The following PELI2 variants were observed in gnomAD, a reference collection of about 807,000 sequenced individuals.
PELI2 encodes pellino E3 ubiquitin protein ligase family member 2.
A neutral mutation model predicts 42.3 loss-of-function variants in PELI2; 23 were observed. That is an observed-to-expected ratio of 0.54 (90% confidence interval 0.39 to 0.77). PELI2 has a LOEUF of 0.77. Among genes scored for constraint, PELI2 ranks in the 30% least tolerant of loss-of-function variants. The pLI is 0.00. For missense variants in PELI2, 463 were observed against 553.2 expected (o/e 0.84, Z 1.64); for synonymous variants, 245 against 212.2 (o/e 1.15, Z -1.34).
At chr14:56,244,484 C>T (rs1455940883) in intron 2 of PELI2, among the ~76,000 whole-genome samples, 2 of 152,164 alleles carry the variant, frequency 1.3e-5, no homozygotes, top group African/African-American at 4.8e-5. Context: ...CCCTTCGCTT[C>T]AGGAGAGATT....
At chr14:56,216,328 C>T (rs1439092702) in intron 2 of PELI2, among the ~76,000 whole-genome samples, 3 of 152,334 alleles carry the variant, frequency 2.0e-5, no homozygotes, top group Non-Finnish European at 4.4e-5. Flanking sequence ...CTAAGCCAGT[C>T]GTGAAGTTAC....
intron 2 of PELI2, among the ~76,000 whole-genome samples, chr14:56,211,887 C>T (rs925304142): frequency 2.0e-5 from 3 of 151,900 alleles, no homozygotes; most frequent in Admixed American, 2.0e-4. Context: ...AACTCAAGAT[C>T]CATACAGACG....
intron 2 of PELI2, among the ~76,000 whole-genome samples, chr14:56,244,520 C>T (rs909729119): frequency 6.6e-6 from 1 of 152,124 alleles, no homozygotes; most frequent in African/African-American, 2.4e-5. Context: ...TTGGAAGGCA[C>T]TGATAATGAA....
At chr14:56,170,669 A>G (rs1459674226) in intron 1 of PELI2, among the ~76,000 whole-genome samples, 1 of 152,214 alleles carries the variant, frequency 6.6e-6, no homozygotes, top group African/African-American at 2.4e-5. Context: ...GTAAGTGTAC[A>G]GCAAATGTTA....
rs1555348665 is a variant in PELI2 at position 56,219,998 on chromosome 14, A to AT, written c.207+41535dup. Among the ~76,000 whole-genome samples, 2 of 152,216 alleles carry AT rather than the reference A, an allele frequency of 1.3e-5. No individual in the cohort carries two copies. Among genetic ancestry groups the AT allele is most frequent in the Non-Finnish European group, 1.5e-5 (1 of 68,044 alleles). On this transcript the variant is annotated intron_variant, in intron 2 of 5. Coordinates refer to ENST00000267460, the MANE Select transcript of PELI2 (RefSeq NM_021255.3). This position sits in a 1 kb window ranked among gnomAD's most constrained non-coding sequence, Gnocchi z 4.1. ...TTTATTAATGCTTGCCCTGGGAATCATATCATAAACAGTTTAGGTAAACAA... is the reference window on the plus strand; with the variant it reads ...TTTATTAATGCTTGCCCTGGGAATCATTATCATAAACAGTTTAGGTAAACAA...
chr14:56,237,517 C>T (rs933969528), intron 2 of PELI2, among the ~76,000 whole-genome samples: 17 of 151,994 alleles, frequency 1.1e-4, no homozygotes, highest in African/African-American at 3.9e-4. Context: ...TTTGAAGCAA[C>T]ACAGATGAAT....
intron 2 of PELI2, among the ~76,000 whole-genome samples, chr14:56,265,399 G>A (rs555361114): frequency 2.6e-5 from 4 of 152,110 alleles, no homozygotes; most frequent in East Asian, 1.9e-4. Context: ...TTAAACAGAC[G>A]GTGCTGTTTC....
chr14:56,268,830 A>T (rs1888997946), intron 2 of PELI2, among the ~76,000 whole-genome samples: 1 of 152,004 alleles, frequency 6.6e-6, no homozygotes, highest in African/African-American at 2.4e-5. Context: ...ATTGCCTCAC[A>T]CTGTGGTATG....
intron 2 of PELI2, among the ~76,000 whole-genome samples, chr14:56,214,541 T>C (rs17091123): frequency 0.32 from 49,216 of 152,060 alleles, 9,824 homozygotes; most frequent in African/African-American, 0.57. Flanking sequence ...ATCAAGTGGT[T>C]TCTTCTTGGT....
intron 1 of PELI2, chr14:56,119,881 T>C (rs1181050302): frequency 4.1e-6 from 4 of 980,348 alleles, no homozygotes; most frequent in Non-Finnish European, 4.8e-6. Context: ...AGCACACATA[T>C]GAGGAGTCAT....
intron 1 of PELI2, among the ~76,000 whole-genome samples, chr14:56,162,660 A>G (rs1884808281): frequency 6.6e-6 from 1 of 152,084 alleles, no homozygotes; most frequent in Non-Finnish European, 1.5e-5. Flanking sequence ...ATGGTGCTCA[A>G]TTTTTAGTTT....
chr14:56,122,215 A>G (rs1370237030), intron 1 of PELI2, among the ~76,000 whole-genome samples: 9 of 152,238 alleles, frequency 5.9e-5, no homozygotes, highest in African/African-American at 2.2e-4. Flanking sequence ...TACCTATGTA[A>G]CAAACCTGCA....
At chr14:56,130,681 C>T (rs989933588) in intron 1 of PELI2, among the ~76,000 whole-genome samples, 2 of 151,842 alleles carry the variant, frequency 1.3e-5, no homozygotes, top group Admixed American at 1.3e-4. Flanking sequence ...AAAAATGAAT[C>T]CTTATATCTT....
chr14:56,257,826 GA>G (rs1452754284), intron 2 of PELI2, among the ~76,000 whole-genome samples: 3 of 152,190 alleles, frequency 2.0e-5, no homozygotes, highest in Non-Finnish European at 2.9e-5. Flanking sequence ...GATCTGAGTT[GA>G]AGAGACAAAG....
intron 2 of PELI2, among the ~76,000 whole-genome samples, chr14:56,188,766 C>G (rs1344846233): frequency 6.6e-6 from 1 of 152,166 alleles, no homozygotes; most frequent in African/African-American, 2.4e-5. Flanking sequence ...AAAGTGTGGG[C>G]TTTCAAATGT....
chr14:56,225,077 G>A (rs925842243), intron 2 of PELI2, among the ~76,000 whole-genome samples: 8 of 152,184 alleles, frequency 5.3e-5, no homozygotes, highest in African/African-American at 1.7e-4. Context: ...TGCTTAGTAC[G>A]CGGAGAGTGA....
At chr14:56,144,867 C>A in intron 1 of PELI2, 1 of 556,166 alleles carries the variant, frequency 1.8e-6, no homozygotes, top group Non-Finnish European at 2.3e-6. Flanking sequence ...GGGCCTTGTA[C>A]AGGAATAAAA....
intron 1 of PELI2, among the ~76,000 whole-genome samples, chr14:56,165,467 T>G (rs1477908348): frequency 7.9e-5 from 12 of 152,294 alleles, no homozygotes; most frequent in African/African-American, 2.6e-4. Context: ...CAAGCGCATA[T>G]GTGACCTAAC....
rs533770937 is a variant in PELI2, at chr14:56,298,755, A to G, written c.*1589A>G. Reference sequence around the variant, plus strand: ...TGATTGCTGCTGCTTAATTTGATGTAATATGTTTAAAGTTCAGCCTCTCAG... The same window carrying G: ...TGATTGCTGCTGCTTAATTTGATGTGATATGTTTAAAGTTCAGCCTCTCAG... On this transcript the variant is annotated 3_prime_UTR_variant, in exon 6 of 6. Transcript: ENST00000267460. 1 of 152,750 alleles carries G rather than the reference A, an allele frequency of 6.5e-6. No homozygotes were observed. The highest frequency in any genetic ancestry group is 1.9e-4 in the East Asian group (1 of 5,180). 9.5% of individuals were successfully genotyped at this position (152,750 alleles called of 1,614,324 possible).
Sources: allele counts gnomAD v4.1 joint callset (sites outside exome capture counted in the v4.1 genomes callset), GRCh38; gene constraint gnomAD v4.1.1; non-coding constraint Gnocchi (gnomAD v3.1); transcripts MANE v1.5; gene names NCBI Gene and HGNC (gene_info 2026-07-23, HGNC 2026-07-21).